The following CDC42BPA variants were observed in gnomAD, a reference collection of about 807,000 sequenced individuals.
The protein encoded by CDC42BPA is serine/threonine-protein kinase MRCK alpha.
A neutral mutation model predicts 223.5 loss-of-function variants in CDC42BPA; 80 were observed. The ratio of observed to expected loss-of-function variants is 0.36; its 90% CI spans 0.30 to 0.43. CDC42BPA has a LOEUF of 0.43. Among genes scored for constraint, CDC42BPA ranks in the 20% least tolerant of loss-of-function variants. The probability of loss-of-function intolerance (pLI) is 1.00; values close to 1 mark genes in which losing one functional copy is unlikely to be tolerated. For synonymous variants in CDC42BPA, 694 were observed against 718.6 expected, an observed-to-expected ratio of 0.97 and a Z score of 0.55; for missense variants, 1,743 against 2,099.9, an observed-to-expected ratio of 0.83 and a Z score of 3.32.
intron 1 of CDC42BPA, among the ~76,000 whole-genome samples, chr1:227,263,667 C>T (rs4653812): frequency 0.2 from 30,469 of 151,124 alleles, 3,150 homozygotes; most frequent in East Asian, 0.26. Context: ...CTGCAGTCTC[C>T]GCCTCCCAGG....
intron 1 of CDC42BPA, among the ~76,000 whole-genome samples, chr1:227,262,666 T>A (rs1684287910): frequency 6.6e-6 from 1 of 152,210 alleles, no homozygotes. Context: ...ATCGGCCTTT[T>A]AAGTCATAAG....
intron 26 of CDC42BPA, 46 bp from the exon 27 acceptor site, chr1:227,033,461 G>T: frequency 7.5e-7 from 1 of 1,324,874 alleles, no homozygotes; most frequent in Non-Finnish European, 1.1e-6. Context: ...GTGGCTATGT[G>T]TGTGTGGTTT....
At chr1:227,288,396 T>C (rs993929800) in intron 1 of CDC42BPA, among the ~76,000 whole-genome samples, 1 of 150,878 alleles carries the variant, frequency 6.6e-6, no homozygotes, top group Non-Finnish European at 1.5e-5. Context: ...AAATGAAAAA[T>C]CTTAAAATTA....
intron 2 of CDC42BPA, among the ~76,000 whole-genome samples, chr1:227,220,282 T>TTTTATATATA (rs748787987): frequency 0.028 from 2,774 of 99,696 alleles, 49 homozygotes; most frequent in Admixed American, 0.043. Flanking sequence ...AAAAGTCATG[T>TTTTATATATA]TATATATATA....
chr1:227,302,161 C>G (rs1361881409), intron 1 of CDC42BPA, among the ~76,000 whole-genome samples: 1 of 152,178 alleles, frequency 6.6e-6, no homozygotes, highest in Non-Finnish European at 1.5e-5. Context: ...TGCATTGTAT[C>G]TCCTGCTTCC....
At chr1:227,166,616 AGTC>A (rs1290945125) in intron 5 of CDC42BPA, among the ~76,000 whole-genome samples, 9 of 152,188 alleles carry the variant, frequency 5.9e-5, no homozygotes, top group Admixed American at 5.9e-4. Flanking sequence ...AATTTATAGT[AGTC>A]ATAAGAAAAA....
intron 5 of CDC42BPA, among the ~76,000 whole-genome samples, chr1:227,174,425 A>G (rs1288283494): frequency 6.6e-6 from 1 of 152,168 alleles, no homozygotes; most frequent in Admixed American, 6.5e-5. Flanking sequence ...GCTGAAAGAG[A>G]AGAAATCAGC....
At chr1:227,175,466 A>G (rs1326313626) in intron 5 of CDC42BPA, among the ~76,000 whole-genome samples, 1 of 151,196 alleles carries the variant, frequency 6.6e-6, no homozygotes, top group African/African-American at 2.4e-5. Flanking sequence ...TAACTGGATA[A>G]TGGGTAGTAT....
intron 16 of CDC42BPA, among the ~76,000 whole-genome samples, chr1:227,082,008 A>C (rs144309957): frequency 4.1e-4 from 62 of 152,200 alleles, no homozygotes; most frequent in African/African-American, 1.4e-3. Context: ...GATACCAATA[A>C]GAAAACCCAG....
In CDC42BPA at chr1:227,031,469, G is replaced by C; in HGVS notation, c.3604C>G (p.Leu1202Val). The part of the protein sequence containing the change: ...LSASNNKCSI[L>V]MLADTENEKN... ...TCATTCTCAGTGTCTGCTAGCATCA[G>C]GATTGAACATTTGTTATTAGATGCT... The change falls in exon 28 of 37, where the codon CTG becomes GTG. Residue 1202 changes from leucine to valine, a missense_variant. By Grantham distance (32) the Leu-to-Val change is conservative. Coordinates refer to ENST00000366766, the MANE Select transcript of CDC42BPA (RefSeq NM_001394014.1). 6.2e-7 allele frequency: 1 copy of C among 1,614,008 alleles called. No individual in the cohort carries two copies. Among genetic ancestry groups the C allele is most frequent in the Non-Finnish European group, 8.5e-7 (1 of 1,179,968 alleles).
At chr1:227,256,078 C>T (rs1346611157) in intron 1 of CDC42BPA, among the ~76,000 whole-genome samples, 2 of 152,070 alleles carry the variant, frequency 1.3e-5, no homozygotes, top group East Asian at 3.9e-4. Flanking sequence ...CAACAAAAAA[C>T]CCCAATTCAA....
chr1:227,137,049 AGT>A (rs1377480530), intron 10 of CDC42BPA, among the ~76,000 whole-genome samples: 2 of 152,184 alleles, frequency 1.3e-5, no homozygotes, highest in Non-Finnish European at 2.9e-5. Context: ...ATGGAGTAAA[AGT>A]GTATTAAAAG....
In CDC42BPA at chr1:227,220,305, TATATATAC is replaced by T. The variant is rs1301535276; in HGVS notation, c.271-7094_271-7087del. Among the ~76,000 whole-genome samples, 195 of 84,594 alleles carry T rather than the reference TATATATAC, an allele frequency of 2.3e-3. 2 individuals are homozygous for T. The highest frequency in any genetic ancestry group is 9.5e-3 in the African/African-American group (175 of 18,358). The allele number at this position is 84,594 out of a possible 152,430, so 55.5% of individuals were successfully genotyped here. A position where few individuals can be genotyped will look rare whatever the true frequency, so the allele number is the denominator to read the frequency against. ...TGTTATATATATATATATATATATATATATATACACACACACACACACATACATATATG... is the reference window on the plus strand; with the variant it reads ...TGTTATATATATATATATATATATATACACACACACACACATACATATATG... On this transcript the variant is annotated intron_variant, in intron 2 of 36. Transcript: ENST00000366766.
chr1:227,113,523 C>A lies in CDC42BPA; in HGVS notation c.1648-610G>T, dbSNP rs1053888259. ...AAAATACTCAAAGAACAAAGCACCA[C>A]AATCAAACAACAAAAACAATAAAAA... On this transcript the variant is annotated intron_variant, in intron 12 of 36. Transcript: ENST00000366766. Among the ~76,000 whole-genome samples, 42 of 152,030 alleles carry A rather than the reference C, an allele frequency of 2.8e-4. 1 individual carries two copies. Among genetic ancestry groups the A allele is most frequent in the Admixed American group, 2.4e-3 (37 of 15,246 alleles).
intron 25 of CDC42BPA, 23 bp downstream of exon 25, chr1:227,035,448 A>G: frequency 6.3e-7 from 1 of 1,580,148 alleles, no homozygotes; most frequent in Non-Finnish European, 8.6e-7. Flanking sequence ...GGATTAATCT[A>G]AACCCAACTT....
At chr1:227,308,509 C>CAAAAAAAAAAAAAAAA (rs34849679) in intron 1 of CDC42BPA, among the ~76,000 whole-genome samples, 2 of 89,782 alleles carry the variant, frequency 2.2e-5, no homozygotes, top group African/African-American at 4.2e-5. Flanking sequence ...GACTGTATCT[C>CAAAAAAAAAAAAAAAA]AAAAAAAAAA....
intron 1 of CDC42BPA, among the ~76,000 whole-genome samples, chr1:227,255,428 T>A (rs1039197805): frequency 7.0e-6 from 1 of 143,654 alleles, no homozygotes; most frequent in Admixed American, 7.1e-5. Flanking sequence ...TCTGTATTTG[T>A]GTTTTGTAAG....
At chr1:227,010,119 T>C (rs1664886415) in intron 34 of CDC42BPA, among the ~76,000 whole-genome samples, 1 of 152,168 alleles carries the variant, frequency 6.6e-6, no homozygotes, top group Non-Finnish European at 1.5e-5. Context: ...CATATGAATA[T>C]TCAGCTTTAA....
At chr1:227,238,513 A>G (rs1046809037) in intron 2 of CDC42BPA, among the ~76,000 whole-genome samples, 1 of 152,178 alleles carries the variant, frequency 6.6e-6, no homozygotes, top group Non-Finnish European at 1.5e-5. Flanking sequence ...TCACACCACA[A>G]TGACAGAGAA....
Sources: gnomAD v4.1 joint callset for allele counts (sites outside exome capture counted in the v4.1 genomes callset) on GRCh38, gnomAD v4.1.1 for gene constraint, MANE v1.5 for transcripts, NCBI Gene and HGNC (gene_info 2026-07-23, HGNC 2026-07-21) for gene names.